INTS2: variants seen among roughly 807,000 people sequenced by gnomAD.
INTS2 encodes the protein integrator complex subunit 2, also known as KIAA1287.
A neutral mutation model predicts 139.6 loss-of-function variants in INTS2; 57 were observed. That is an observed-to-expected ratio of 0.41 (90% CI 0.33 to 0.51). The LOEUF is 0.51. Ranked by LOEUF, INTS2 falls within the 20% of genes least tolerant of loss-of-function variation. The pLI, the probability that INTS2 is intolerant of heterozygous loss-of-function variation, is 0.28. For missense variants in INTS2, 1,196 were observed against 1,436.7 expected, an observed-to-expected ratio of 0.83 and a Z score of 2.71; for synonymous variants, 473 against 493.4, an observed-to-expected ratio of 0.96 and a Z score of 0.55.
intron 5 of INTS2, among the ~76,000 whole-genome samples, chr17:61,918,805 G>A (rs998041068): frequency 3.3e-5 from 5 of 151,904 alleles, no homozygotes; most frequent in Non-Finnish European, 7.4e-5. Context: ...AAAAAACAAA[G>A]GTCTGATTCC....
At chr17:61,898,761 C>CT in intron 9 of INTS2, among the ~76,000 whole-genome samples, 1 of 152,224 alleles carries the variant, frequency 6.6e-6, no homozygotes, top group Admixed American at 6.5e-5. Context: ...TTACAGGTGT[C>CT]TGCCACCACA....
At chr17:61,886,982 T>C (rs1603375533) in intron 15 of INTS2, among the ~76,000 whole-genome samples, 1 of 152,190 alleles carries the variant, frequency 6.6e-6, no homozygotes. Context: ...CAATCTTTTA[T>C]GAATTAAGAA....
rs2079316893 is a variant in INTS2, at chr17:61,893,510, C to T, written c.1698+255G>A. Among the ~76,000 whole-genome samples, 3 of 152,058 alleles carry T rather than the reference C, an allele frequency of 2.0e-5. No homozygotes were observed. The highest frequency in any genetic ancestry group is 6.6e-5 in the Admixed American group (1 of 15,256). On this transcript the variant is annotated intron_variant, in intron 13 of 24. Coordinates refer to ENST00000251334, the MANE Select transcript of INTS2 (RefSeq NM_001351695.2). The surrounding 1 kb of genome is among the most constrained non-coding windows in gnomAD (Gnocchi z 5.4). ...CAGGAGTTCGACACCAGCCAGCCAA[C>T]ACGGTGAAACCCTGTCTCTACTAAA...
chr17:61,878,224 A>G (rs2079143656), intron 17 of INTS2, 136 bp from the exon 18 acceptor site: 1 of 618,892 alleles, frequency 1.6e-6, no homozygotes, highest in Non-Finnish European at 2.9e-6. Context: ...GTTACTTGCT[A>G]TTGTTTCCTA....
intron 5 of INTS2, among the ~76,000 whole-genome samples, chr17:61,913,036 A>G (rs1229711933): frequency 1.3e-5 from 2 of 152,160 alleles, no homozygotes; most frequent in African/African-American, 4.8e-5. Flanking sequence ...AGATCACACC[A>G]CTGCACTTCA....
rs1467050181 is a variant in INTS2, at chr17:61,881,170, C to T, written c.2091G>A (p.Gly697=). ...QAQGLQQELG[G]LHSALLRLLA... ...GGAGACGTAGTAAAGCTGAATGCAACCCTTGAAAATTTACAGAAAATCAAT... is the reference window on the plus strand; with the variant it reads ...GGAGACGTAGTAAAGCTGAATGCAATCCTTGAAAATTTACAGAAAATCAAT... The change falls in exon 17 of 25, where the codon GGG becomes GGA. Residue 697 remains glycine (G), a splice_region_variant and synonymous_variant. Transcript: ENST00000251334. The T allele has an allele frequency of 1.2e-6, 2 of 1,607,180 alleles. No individual in the cohort carries two copies. Among genetic ancestry groups the T allele is most frequent in the East Asian group, 4.5e-5 (2 of 44,740 alleles).
In INTS2 at chr17:61,884,854, G is replaced by T. The variant is rs549248284; in HGVS notation, c.2089+47C>A. The T allele has an allele frequency of 1.5e-5, 17 of 1,167,560 alleles. No individual in the cohort carries two copies. In the South Asian group the frequency reaches 1.7e-4, roughly 12 times the overall value. The allele number at this position is 1,167,560 out of a possible 1,614,324, so 72.3% of individuals were successfully genotyped here. On this transcript the variant is annotated intron_variant, in intron 16 of 24. Transcript: ENST00000251334. ...ACTTCATAACATTATAAACAGAAAG[G>T]TTTTTTAACAATAAACTTTAGCAGT...
rs1478037749 is a variant in INTS2 at position 61,875,652 on chromosome 17, G to C, written c.2457-614C>G. Among the ~76,000 whole-genome samples the C allele has an allele frequency of 6.6e-6, 1 of 151,908 alleles. No individual in the cohort carries two copies. Among genetic ancestry groups the C allele is most frequent in the African/African-American group, 2.4e-5 (1 of 41,366 alleles). ...CAGAGAACTTCCCCCTCTTAAATAT[G>C]ACTGTATAAACAAGGATCATCAGAC... On this transcript the variant is annotated intron_variant, in intron 18 of 24. Transcript: ENST00000251334. This position sits in a 1 kb window ranked among gnomAD's most constrained non-coding sequence, Gnocchi z 4.6.
chr17:61,921,967 A>G (rs1283976319), intron 3 of INTS2, 140 bp from the exon 4 acceptor site: 1 of 519,448 alleles, frequency 1.9e-6, no homozygotes, highest in Non-Finnish European at 3.5e-6. Context: ...GCAGTATTCA[A>G]TCAATTTCAA....
intron 9 of INTS2, among the ~76,000 whole-genome samples, chr17:61,899,122 G>C (rs975653808): frequency 6.6e-6 from 1 of 152,224 alleles, no homozygotes; most frequent in African/African-American, 2.4e-5. Context: ...GTAGTAGAAA[G>C]ATTACAGCCT....
intron 11 of INTS2, among the ~76,000 whole-genome samples, chr17:61,895,737 T>C (rs1398690941): frequency 1.3e-5 from 2 of 152,050 alleles, no homozygotes; most frequent in Non-Finnish European, 2.9e-5. Context: ...CACACACAAA[T>C]ATATGTATAT....
In INTS2 at chr17:61,901,061, G is replaced by C. The variant is rs142789358; in HGVS notation, c.1308-3322C>G. Among the ~76,000 whole-genome samples the C allele has an allele frequency of 9.6e-3, 1,468 of 152,228 alleles. 11 individuals are homozygous for C. Among genetic ancestry groups the C allele is most frequent in the Middle Eastern group, 0.027 (8 of 294 alleles). ...AGGCAAAGGCAGGAGGATCACCTTAGGCCAGGAGTTCAAAATCAGCCTGGG... is the reference window on the plus strand; with the variant it reads ...AGGCAAAGGCAGGAGGATCACCTTACGCCAGGAGTTCAAAATCAGCCTGGG... On this transcript the variant is annotated intron_variant, in intron 9 of 24. Coordinates refer to ENST00000251334, the MANE Select transcript of INTS2 (RefSeq NM_001351695.2).
chr17:61,885,674 G>A (rs1354847499), intron 15 of INTS2, among the ~76,000 whole-genome samples: 8 of 151,024 alleles, frequency 5.3e-5, no homozygotes, highest in East Asian at 1.9e-4. Context: ...AGCCTGCCTC[G>A]GCCTCCCAAA....
intron 9 of INTS2, among the ~76,000 whole-genome samples, chr17:61,902,905 G>A (rs565883469): frequency 1.3e-3 from 195 of 147,906 alleles, no homozygotes; most frequent in Non-Finnish European, 2.3e-3. Flanking sequence ...GGTGGCTCAC[G>A]CCTGTAATCC....
intron 4 of INTS2, 23 bp from the exon 5 acceptor site, chr17:61,919,536 T>C: frequency 7.8e-7 from 1 of 1,279,374 alleles, no homozygotes; most frequent in Non-Finnish European, 1.1e-6. Context: ...AAAGTCAGTG[T>C]TAGTCTTTGT....
At chr17:61,927,062 A>C in intron 1 of INTS2, 1 of 213,632 alleles carries the variant, frequency 4.7e-6, no homozygotes. Flanking sequence ...GCTCCACAAA[A>C]TGTAAACAAA....
intron 4 of INTS2, among the ~76,000 whole-genome samples, chr17:61,920,303 G>T (rs1020947171): frequency 6.7e-6 from 1 of 148,512 alleles, no homozygotes; most frequent in Admixed American, 6.8e-5. Context: ...TGCCTCAGCC[G>T]CCCGAATACC....
At chr17:61,903,518 A>T (rs957428163) in intron 9 of INTS2, among the ~76,000 whole-genome samples, 23 of 152,298 alleles carry the variant, frequency 1.5e-4, no homozygotes, top group Admixed American at 4.6e-4. Context: ...AATCTCCTCA[A>T]GAAGATGAAA....
rs1011566601 is a variant in INTS2, at chr17:61,871,949, C to CA, written c.2778+315dup. On this transcript the variant is annotated intron_variant, in intron 20 of 24. Coordinates refer to ENST00000251334, the MANE Select transcript of INTS2 (RefSeq NM_001351695.2). This position sits in a 1 kb window ranked among gnomAD's most constrained non-coding sequence, Gnocchi z 4.9. The stretch of plus-strand genomic sequence containing the variant: ...ACTCTGTCTCAAAAAACAAAAAAAA[C>CA]AAAAAAAATGTGCCGAATGAATAAA... 1.3e-4 allele frequency: 23 copies of CA among 182,068 alleles called. No homozygotes were observed. Among genetic ancestry groups the CA allele is most frequent in the East Asian group, 2.6e-4 (2 of 7,610 alleles). 11.3% of individuals were successfully genotyped at this position (182,068 alleles called of 1,614,324 possible). A position where few individuals can be genotyped will look rare whatever the true frequency, so the allele number is the denominator to read the frequency against.
Sources: gnomAD v4.1 joint callset for allele counts (sites outside exome capture counted in the v4.1 genomes callset) on GRCh38, gnomAD v4.1.1 for gene constraint, Gnocchi (gnomAD v3.1) non-coding constraint, MANE v1.5 for transcripts, NCBI Gene and HGNC (gene_info 2026-07-23, HGNC 2026-07-21) for gene names.